The following ZDHHC23 variants were observed in gnomAD, a reference collection of about 807,000 sequenced individuals.
The protein encoded by ZDHHC23 is zDHHC palmitoyltransferase 23.
In ZDHHC23, 41 loss-of-function variants were observed where a neutral mutation model predicts 40.2. The ratio of observed to expected loss-of-function variants is 1.02; its 90% CI spans 0.79 to 1.32. ZDHHC23 has a LOEUF of 1.32. ZDHHC23 is among the 40% of genes most tolerant of loss of function. The pLI is 0.00. For synonymous variants in ZDHHC23, 204 were observed against 210.2 expected, an observed-to-expected ratio of 0.97 and a Z score of 0.26; for missense variants, 471 against 541.5, an observed-to-expected ratio of 0.87 and a Z score of 1.29.
intron 2 of ZDHHC23, among the ~76,000 whole-genome samples, chr3:113,952,529 C>T (rs1182709189): frequency 6.6e-6 from 1 of 152,220 alleles, no homozygotes; most frequent in Non-Finnish European, 1.5e-5. Flanking sequence ...TTTTTCCCAG[C>T]ATGCACTTCC....
intron 3 of ZDHHC23, among the ~76,000 whole-genome samples, chr3:113,955,359 C>CGTGTGTGTGT (rs68123933): frequency 2.0e-5 from 3 of 147,408 alleles, no homozygotes; most frequent in African/African-American, 5.0e-5. Context: ...TTCACTTATT[C>CGTGTGTGTGT]GTGTGTGTGT....
Position 113,956,371 on chromosome 3 carries a change from A to T in ZDHHC23, c.905A>T (p.Gln302Leu). ...AGCTGCGTTGGAGAATCAAATCATC[A>T]AGCATTTATACTTGCCCTTTTGATC... ...INSCVGESNHQAFILALLIFL... is the reference protein window; with the variant it reads ...INSCVGESNHLAFILALLIFL... The change falls in exon 4 of 5, where the codon CAA becomes CTA. Residue 302 changes from glutamine (Q) to leucine (L), a missense_variant. By Grantham distance (113) the Gln-to-Leu change is moderately radical. This residue lies in a region of ZDHHC23 where 346 missense variants were observed against 399.8 expected (regional missense o/e 0.87). Coordinates refer to ENST00000638807, the MANE Select transcript of ZDHHC23 (RefSeq NM_001320466.2). The T allele has an allele frequency of 6.2e-7, 1 of 1,614,096 alleles. No homozygotes were observed. Among genetic ancestry groups the T allele is most frequent in the Non-Finnish European group, 8.5e-7 (1 of 1,180,024 alleles).
chr3:113,977,531 G>A, the ZDHHC23 span, among the ~76,000 whole-genome samples: 3 of 95,600 alleles, frequency 3.1e-5, no homozygotes, highest in African/African-American at 8.3e-5. Flanking sequence ...AAACATAACT[G>A]TATTTTAAAT....
Position 113,958,662 on chromosome 3 carries a change from T to C in ZDHHC23, c.*32T>C. 6.3e-7 allele frequency: 1 copy of C among 1,593,842 alleles called. No homozygotes were observed. Among genetic ancestry groups the C allele is most frequent in the Non-Finnish European group, 8.5e-7 (1 of 1,177,548 alleles). On this transcript the variant is annotated 3_prime_UTR_variant, in exon 5 of 5. Transcript: ENST00000638807. ...TTCTATGTGGCTCTCTGAGGGATGATGGCTCCTCCTTCCGTCTCCCTTCCA... is the reference window on the plus strand; with the variant it reads ...TTCTATGTGGCTCTCTGAGGGATGACGGCTCCTCCTTCCGTCTCCCTTCCA...
chr3:113,972,150 C>T, the ZDHHC23 span, among the ~76,000 whole-genome samples: 2 of 151,690 alleles, frequency 1.3e-5, no homozygotes, highest in Non-Finnish European at 2.9e-5. Context: ...TCTATATTTC[C>T]TTGAGGAGCA....
At chr3:113,956,573 T>C in intron 4 of ZDHHC23, 67 bp downstream of exon 4, 1 of 1,474,892 alleles carries the variant, frequency 6.8e-7, no homozygotes. Context: ...TGACAGGGAC[T>C]ATTACTACTT....
chr3:113,963,946 TTTA>T (rs1939870874), downstream of ZDHHC23, among the ~76,000 whole-genome samples: 1 of 148,354 alleles, frequency 6.7e-6, no homozygotes, highest in African/African-American at 2.6e-5. Flanking sequence ...TTTTTTTTTT[TTTA>T]AATGACAACT....
intron 1 of ZDHHC23, 161 bp from the exon 2 acceptor site, chr3:113,948,525 G>T (rs1052137791): frequency 5.6e-6 from 2 of 355,688 alleles, no homozygotes; most frequent in East Asian, 9.4e-5. Flanking sequence ...CCATAGGAAC[G>T]GCTGGTGCCC....
At chr3:113,973,395 T>C in the ZDHHC23 span, among the ~76,000 whole-genome samples, 1 of 152,170 alleles carries the variant, frequency 6.6e-6, no homozygotes, top group Non-Finnish European at 1.5e-5. Context: ...CTTAATTTTA[T>C]CAGTAGGTTT....
intron 3 of ZDHHC23, among the ~76,000 whole-genome samples, chr3:113,954,637 GT>G (rs139751430): frequency 4.7e-4 from 69 of 147,690 alleles, no homozygotes; most frequent in Non-Finnish European, 6.0e-4. Context: ...AACTTGTGGG[GT>G]TTTTTTTTTC....
chr3:113,952,286 A>T (rs1176305948), intron 2 of ZDHHC23, among the ~76,000 whole-genome samples: 1 of 152,226 alleles, frequency 6.6e-6, no homozygotes, highest in East Asian at 1.9e-4. Flanking sequence ...AGTAGGACAC[A>T]AACACAATTC....
At chr3:113,978,160 A>G in the ZDHHC23 span, 59 of 1,612,942 alleles carry the variant, frequency 3.7e-5, no homozygotes, top group South Asian at 5.8e-4. Context: ...TCAGAGAGTG[A>G]ATTTTCCTCA....
intron 4 of ZDHHC23, among the ~76,000 whole-genome samples, chr3:113,957,221 C>T (rs146597054): frequency 9.6e-4 from 147 of 152,342 alleles, no homozygotes; most frequent in African/African-American, 3.2e-3. Flanking sequence ...TCCTCTCTGA[C>T]ATAAGTGCTC....
chr3:113,966,476 CTGG>C (rs1364949694), downstream of ZDHHC23, among the ~76,000 whole-genome samples: 1 of 152,128 alleles, frequency 6.6e-6, no homozygotes, highest in African/African-American at 2.4e-5. Context: ...ACTACCCAGT[CTGG>C]TGGTGAGGAG....
In ZDHHC23 at chr3:113,960,385, A is replaced by G; in HGVS notation, c.*1755A>G. ...TGCCTTCTCCCTGGCCCAGAGCTGA[A>G]TATTCATCTAGAATTAAAGTTGGAT... On this transcript the variant is annotated 3_prime_UTR_variant, in exon 5 of 5. Coordinates refer to ENST00000638807, the MANE Select transcript of ZDHHC23 (RefSeq NM_001320466.2). 8.4e-7 allele frequency: 1 copy of G among 1,195,776 alleles called. No individual in the cohort carries two copies. The highest frequency in any genetic ancestry group is 1.0e-6 in the Non-Finnish European group (1 of 962,070). The allele number at this position is 1,195,776 out of a possible 1,614,324, so 74.1% of individuals were successfully genotyped here. A position where few individuals can be genotyped will look rare whatever the true frequency, so the allele number is the denominator to read the frequency against.
the ZDHHC23 span, chr3:113,978,362 C>CA: frequency 1.2e-6 from 2 of 1,603,564 alleles, no homozygotes; most frequent in Admixed American, 3.4e-5. Context: ...AAAAGTGAGA[C>CA]AAAAAATATC....
intron 2 of ZDHHC23, among the ~76,000 whole-genome samples, chr3:113,949,295 A>G (rs1167477077): frequency 3.3e-5 from 5 of 152,242 alleles, no homozygotes; most frequent in East Asian, 1.9e-4. Context: ...AATGAACACA[A>G]TAGTTCCAGA....
chr3:113,967,181 C>T (rs1940272966), downstream of ZDHHC23, among the ~76,000 whole-genome samples: 4 of 152,146 alleles, frequency 2.6e-5, no homozygotes, highest in Admixed American at 2.6e-4. Flanking sequence ...TTCAGTCCAC[C>T]ATTTACAGCT....
intron 3 of ZDHHC23, 130 bp from the exon 4 acceptor site, chr3:113,956,209 T>C (rs1939214160): frequency 1.0e-6 from 1 of 997,936 alleles, no homozygotes; most frequent in Non-Finnish European, 1.5e-6. Flanking sequence ...ATCGCGCCAT[T>C]GCACTTTAGC....
Sources: allele counts gnomAD v4.1 joint callset (sites outside exome capture counted in the v4.1 genomes callset), GRCh38; gene constraint gnomAD v4.1.1; regional missense constraint gnomAD v4.1.1; transcripts MANE v1.5; gene names NCBI Gene and HGNC (gene_info 2026-07-23, HGNC 2026-07-21).